USP46: variants seen among roughly 807,000 people sequenced by gnomAD.
USP46 encodes ubiquitin specific peptidase 46.
USP46 carries 12 observed loss-of-function variants against 44.4 expected under a neutral mutation model. The ratio of observed to expected loss-of-function variants is 0.27; its 90% CI spans 0.17 to 0.44. The LOEUF (loss-of-function observed/expected upper bound fraction) is 0.44, where lower values mean the gene tolerates loss of function less well. USP46 is among the 20% of genes least tolerant of loss of function. The pLI is 1.00. For synonymous variants in USP46, 155 were observed against 161.5 expected, an observed-to-expected ratio of 0.96 and a Z score of 0.31; for missense variants, 248 against 444.8, an observed-to-expected ratio of 0.56 and a Z score of 3.98.
chr4:52,603,400 C>G (rs755825689), intron 6 of USP46, among the ~76,000 whole-genome samples: 1 of 152,146 alleles, frequency 6.6e-6, no homozygotes, highest in Non-Finnish European at 1.5e-5. Flanking sequence ...TTGGAGTGAA[C>G]GCCTGGGAAG....
At chr4:52,631,043 T>C in intron 2 of USP46, 21 bp downstream of exon 2, 1 of 1,545,334 alleles carries the variant, frequency 6.5e-7, no homozygotes, top group Non-Finnish European at 8.8e-7. Flanking sequence ...TTGATGAAAA[T>C]AATACATTTT....
intron 1 of USP46, 70 bp from the exon 2 acceptor site, chr4:52,631,214 A>G: frequency 8.1e-7 from 1 of 1,233,122 alleles, no homozygotes; most frequent in Non-Finnish European, 1.1e-6. Context: ...TACCTAAAAG[A>G]GTCTACTATT....
At position 52,659,099 on chromosome 4, in the gene USP46, C is replaced by T. The variant is rs754789157; in HGVS notation, c.36+16G>A. 2.8e-5 allele frequency: 44 copies of T among 1,555,284 alleles called. No individual in the cohort carries two copies. The highest frequency in any genetic ancestry group is 3.0e-5 in the Non-Finnish European group (35 of 1,152,906). On this transcript the variant is annotated intron_variant, in intron 1 of 8. Transcript: ENST00000441222. The surrounding 1 kb of genome is among the most constrained non-coding windows in gnomAD (Gnocchi z 4.2). Reference sequence around the variant, plus strand: ...CCGCGAGTCGGGCGCGACCCCGAGGCGGCTCGGCCACTCACCATATTACAG... The same window carrying T: ...CCGCGAGTCGGGCGCGACCCCGAGGTGGCTCGGCCACTCACCATATTACAG...
intron 7 of USP46, among the ~76,000 whole-genome samples, chr4:52,601,466 T>C (rs1313691629): frequency 6.6e-6 from 1 of 152,356 alleles, no homozygotes; most frequent in East Asian, 1.9e-4. Context: ...TTAAATTTGA[T>C]CCATTGCTTC....
At position 52,594,905 on chromosome 4, in the gene USP46, A is replaced by G. The variant is rs1348505981; in HGVS notation, c.*2735T>C. The G allele has an allele frequency of 6.6e-6, 1 of 152,214 alleles. No homozygotes were observed. Among genetic ancestry groups the G allele is most frequent in the Non-Finnish European group, 1.5e-5 (1 of 68,032 alleles). 9.4% of individuals were successfully genotyped at this position (152,214 alleles called of 1,614,324 possible). On this transcript the variant is annotated 3_prime_UTR_variant, in exon 9 of 9. Transcript: ENST00000441222. Reference sequence around the variant, plus strand: ...CCTATGACCACAGAAGTGAAAATGCATCAACACAATAGGACCAGATGCCAG... The same window carrying G: ...CCTATGACCACAGAAGTGAAAATGCGTCAACACAATAGGACCAGATGCCAG...
chr4:52,653,495 CAA>C (rs397880678), intron 1 of USP46, among the ~76,000 whole-genome samples: 13 of 53,014 alleles, frequency 2.5e-4, no homozygotes, highest in Admixed American at 4.0e-4. Flanking sequence ...AACTCTATCT[CAA>C]AAAAAAAAAA....
intron 1 of USP46, among the ~76,000 whole-genome samples, chr4:52,639,974 G>A (rs1362683264): frequency 6.6e-6 from 1 of 150,852 alleles, no homozygotes; most frequent in Non-Finnish European, 1.5e-5. Context: ...TAAAGTGCTG[G>A]GATTACTGGT....
chr4:52,640,102 A>G (rs1718277594), intron 1 of USP46, among the ~76,000 whole-genome samples: 1 of 152,134 alleles, frequency 6.6e-6, no homozygotes, highest in South Asian at 2.1e-4. Context: ...TGGGTAAATA[A>G]TTATAGTAAT....
chr4:52,608,391 A>T (rs951033810), intron 5 of USP46, among the ~76,000 whole-genome samples: 1 of 152,266 alleles, frequency 6.6e-6, no homozygotes, highest in Non-Finnish European at 1.5e-5. Flanking sequence ...TGATCCACAC[A>T]GAAATACTAC....
intron 1 of USP46, among the ~76,000 whole-genome samples, chr4:52,632,979 A>AGAAAG (rs1717939628): frequency 2.6e-5 from 2 of 77,092 alleles, no homozygotes; most frequent in African/African-American, 1.4e-4. Flanking sequence ...AAAGAAAGAA[A>AGAAAG]GAAAGAAAAG....
rs73135525 is a variant in USP46, at chr4:52,641,726, G to A, written c.37-10582C>T. On this transcript the variant is annotated intron_variant, in intron 1 of 8. Transcript: ENST00000441222. ...CAGACCATGCCACAGATTAAAAAACGAAGGCCCAGAGAAGTAAACTTACTT... is the reference window on the plus strand; with the variant it reads ...CAGACCATGCCACAGATTAAAAAACAAAGGCCCAGAGAAGTAAACTTACTT... Among the ~76,000 whole-genome samples, 950 of 152,238 alleles carry A rather than the reference G, an allele frequency of 6.2e-3. 1 individual carries two copies. Among genetic ancestry groups the A allele is most frequent in the African/African-American group, 0.018 (743 of 41,530 alleles).
chr4:52,621,587 C>G (rs1275553497), intron 4 of USP46, among the ~76,000 whole-genome samples: 1 of 151,962 alleles, frequency 6.6e-6, no homozygotes, highest in East Asian at 1.9e-4. Flanking sequence ...ACCTGGGACG[C>G]AGAGGTTGCA....
At chr4:52,605,354 T>C (rs1300090176) in intron 5 of USP46, among the ~76,000 whole-genome samples, 1 of 152,346 alleles carries the variant, frequency 6.6e-6, no homozygotes, top group African/African-American at 2.4e-5. Flanking sequence ...GGTTTTTCAT[T>C]CTTTTCCAGC....
intron 4 of USP46, among the ~76,000 whole-genome samples, chr4:52,618,939 T>C (rs1231826799): frequency 6.6e-6 from 1 of 152,144 alleles, no homozygotes; most frequent in Non-Finnish European, 1.5e-5. Flanking sequence ...CAGTAACAGA[T>C]ACAAACATGT....
At chr4:52,622,297 A>G (rs1717408118) in intron 4 of USP46, among the ~76,000 whole-genome samples, 1 of 152,236 alleles carries the variant, frequency 6.6e-6, no homozygotes, top group Non-Finnish European at 1.5e-5. Flanking sequence ...TGTGGCCTAT[A>G]TATAAACATA....
At chr4:52,645,010 T>TCGTG (rs1718492489) in intron 1 of USP46, among the ~76,000 whole-genome samples, 1 of 151,982 alleles carries the variant, frequency 6.6e-6, no homozygotes, top group East Asian at 1.9e-4. Flanking sequence ...TGAGCTGACA[T>TCGTG]CGTGCCATTG....
At position 52,659,174 on chromosome 4, in the gene USP46, C is replaced by T; in HGVS notation, c.-24G>A. ...ATTAGTCTAAAGGTTGCAGCGATCC[C>T]TCACCGCCATCTTTACAAGGGGAAA... is the stretch of plus-strand genomic sequence containing the variant. On this transcript the variant is annotated 5_prime_UTR_variant, in exon 1 of 9. Transcript: ENST00000441222. The surrounding 1 kb of genome is among the most constrained non-coding windows in gnomAD (Gnocchi z 4.2). The T allele has an allele frequency of 6.5e-7, 1 of 1,546,104 alleles. No homozygotes were observed. Among genetic ancestry groups the T allele is most frequent in the Non-Finnish European group, 8.7e-7 (1 of 1,146,366 alleles).
intron 1 of USP46, among the ~76,000 whole-genome samples, chr4:52,644,986 G>A (rs543659342): frequency 1.3e-5 from 2 of 152,216 alleles, no homozygotes; most frequent in East Asian, 3.9e-4. Context: ...GAACCCAGGA[G>A]GTGGAGGTTG....
intron 4 of USP46, among the ~76,000 whole-genome samples, chr4:52,611,449 A>T (rs62338765): frequency 2.1e-3 from 320 of 152,370 alleles, no homozygotes; most frequent in Non-Finnish European, 3.4e-3. Flanking sequence ...ACAGCTGGCA[A>T]CAACCTTCAG....
Sources: allele counts gnomAD v4.1 joint callset (sites outside exome capture counted in the v4.1 genomes callset), GRCh38; gene constraint gnomAD v4.1.1; non-coding constraint Gnocchi (gnomAD v3.1); transcripts MANE v1.5; gene names NCBI Gene and HGNC (gene_info 2026-07-23, HGNC 2026-07-21).